Variants in RIC1 observed in about 807,000 individuals in gnomAD.
The protein encoded by RIC1 is guanine nucleotide exchange factor subunit RIC1.
Under a neutral mutation model 169.0 loss-of-function variants are expected in RIC1, and 88 were observed. The observed-to-expected ratio is 0.52, with a 90% CI of 0.44 to 0.62. The LOEUF is 0.62. Ranked by LOEUF, RIC1 falls within the 20% of genes least tolerant of loss-of-function variation. The pLI is 0.00. For synonymous variants in RIC1, 790 were observed against 601.5 expected (o/e 1.31, Z -4.59); for missense variants, 1,877 against 1,725.5 (o/e 1.09, Z -1.56).
At chr9:5,753,109 G>A (rs1039446721) in intron 12 of RIC1, 91 bp from the exon 13 acceptor site, 19 of 1,166,820 alleles carry the variant, frequency 1.6e-5, no homozygotes, top group East Asian at 7.1e-5. Context: ...AACATTGTTC[G>A]GCAAGATGAA....
In RIC1 at chr9:5,680,686, G is replaced by A. The variant is rs570392426; in HGVS notation, c.253-9273G>A. Among the ~76,000 whole-genome samples, 616 of 152,098 alleles carry A rather than the reference G, an allele frequency of 4.1e-3. 1 individual carries two copies. Among genetic ancestry groups the A allele is most frequent in the African/African-American group, 0.014 (585 of 41,512 alleles). On this transcript the variant is annotated intron_variant, in intron 2 of 25. Coordinates refer to ENST00000414202, the MANE Select transcript of RIC1 (RefSeq NM_020829.4). ...GGTAGTTTGTATTTCTGTGGGATTGGTGGTGATATCCCCTTTGTCATTTTT... is the reference window on the plus strand; with the variant it reads ...GGTAGTTTGTATTTCTGTGGGATTGATGGTGATATCCCCTTTGTCATTTTT...
chr9:5,724,414 C>G (rs1823818863), intron 6 of RIC1, among the ~76,000 whole-genome samples: 1 of 152,136 alleles, frequency 6.6e-6, no homozygotes, highest in African/African-American at 2.4e-5. Context: ...CATTTTGTAT[C>G]CTGAGACTTT....
rs74310870 is a variant in RIC1, at chr9:5,738,545, CTTTTTTT to C, written c.901+22_901+28del. 11 of 815,690 alleles carry C rather than the reference CTTTTTTT, an allele frequency of 1.3e-5. No homozygotes were observed. The highest frequency in any genetic ancestry group is 2.1e-5 in the South Asian group (1 of 46,726). 50.5% of individuals were successfully genotyped at this position (815,690 alleles called of 1,614,324 possible). A position where few individuals can be genotyped will look rare whatever the true frequency, so the allele number is the denominator to read the frequency against. On this transcript the variant is annotated splice_region_variant and intron_variant, in intron 8 of 25. Transcript: ENST00000414202. Reference sequence around the variant, plus strand: ...ACAGCAAAACAGTATCCTGGTGAGTCTTTTTTTTTTTTTTTTTTTTTAACATTTTTAA... The same window carrying C: ...ACAGCAAAACAGTATCCTGGTGAGTCTTTTTTTTTTTTTTAACATTTTTAA...
At chr9:5,770,929 A>G (rs755145057) in intron 23 of RIC1, among the ~76,000 whole-genome samples, 7 of 152,212 alleles carry the variant, frequency 4.6e-5, no homozygotes, top group Non-Finnish European at 1.0e-4. Context: ...ATAGGAGCTT[A>G]AACAACAATT....
chr9:5,724,526 C>T (rs1823827876), intron 6 of RIC1, among the ~76,000 whole-genome samples: 1 of 152,218 alleles, frequency 6.6e-6, no homozygotes, highest in Non-Finnish European at 1.5e-5. Context: ...TTGACTTCCT[C>T]TTTTCCTAAT....
At chr9:5,744,328 A>T (rs906498105) in intron 10 of RIC1, among the ~76,000 whole-genome samples, 1 of 152,162 alleles carries the variant, frequency 6.6e-6, no homozygotes, top group African/African-American at 2.4e-5. Context: ...TTACTTGAGG[A>T]TATCTGTATC....
At position 5,639,156 on chromosome 9, in the gene RIC1, C is replaced by T. The variant is rs528914403; in HGVS notation, c.144+9703C>T. Reference sequence around the variant, plus strand: ...TCCTGAGCTCAAGCAATCTGCCCACCTCGGCTCCCAAAGTGCTAGGATTCA... The same window carrying T: ...TCCTGAGCTCAAGCAATCTGCCCACTTCGGCTCCCAAAGTGCTAGGATTCA... On this transcript the variant is annotated intron_variant, in intron 1 of 25. Coordinates refer to ENST00000414202, the MANE Select transcript of RIC1 (RefSeq NM_020829.4). 8.3e-4 allele frequency among the ~76,000 whole-genome samples: 126 copies of T among 152,312 alleles called. 2 individuals are homozygous for T. The highest frequency in any genetic ancestry group is 2.8e-3 in the African/African-American group (118 of 41,570).
intron 1 of RIC1, among the ~76,000 whole-genome samples, chr9:5,644,782 A>G (rs1320666766): frequency 6.6e-6 from 1 of 152,236 alleles, no homozygotes; most frequent in African/African-American, 2.4e-5. Flanking sequence ...AGAGATACCT[A>G]GGAGTGCAAC....
Position 5,770,236 on chromosome 9 carries a change from C to T in RIC1, c.3574C>T (p.Pro1192Ser), listed in dbSNP as rs1370169653. ...GATAGACACAGCTTCATCCCATGGA[C>T]CACAAATGCAAGATGCCTTCTTGTC... is the stretch of plus-strand genomic sequence containing the variant. ...HEIDTASSHGPQMQDAFLSPL... is the reference protein window; with the variant it reads ...HEIDTASSHGSQMQDAFLSPL... The change falls in exon 23 of 26, where the codon CCA becomes TCA. Residue 1192 changes from proline (P) to serine (S), a missense_variant. By Grantham distance (74) the Pro-to-Ser change is moderately conservative. This residue lies in a region of RIC1 where 681 missense variants were observed against 582.0 expected (regional missense o/e 1.17). Transcript: ENST00000414202. 6 of 1,613,744 alleles carry T rather than the reference C, an allele frequency of 3.7e-6. No homozygotes were observed. The highest frequency in any genetic ancestry group is 5.1e-6 in the Non-Finnish European group (6 of 1,179,794).
intron 1 of RIC1, among the ~76,000 whole-genome samples, chr9:5,639,715 A>G (rs1171560706): frequency 1.3e-5 from 2 of 152,170 alleles, no homozygotes; most frequent in Non-Finnish European, 2.9e-5. Flanking sequence ...ATTGAGGTCT[A>G]GCTCTCTCTT....
chr9:5,654,092 C>T (rs1818952773), intron 1 of RIC1, among the ~76,000 whole-genome samples: 1 of 152,178 alleles, frequency 6.6e-6, no homozygotes, highest in South Asian at 2.1e-4. Context: ...CTCTGCCTCC[C>T]AGGCTCGAGC....
chr9:5,686,904 G>A (rs1020483989), intron 2 of RIC1, among the ~76,000 whole-genome samples: 1 of 152,160 alleles, frequency 6.6e-6, no homozygotes, highest in Non-Finnish European at 1.5e-5. Flanking sequence ...TTCTGGAAGA[G>A]TCTGTATTCA....
chr9:5,666,948 T>G (rs545177670), intron 2 of RIC1, among the ~76,000 whole-genome samples: 2 of 152,224 alleles, frequency 1.3e-5, no homozygotes, highest in Non-Finnish European at 2.9e-5. Flanking sequence ...ACTGGTAATG[T>G]TCTTTCTGAT....
At chr9:5,729,535 A>T (rs531617995) in intron 6 of RIC1, among the ~76,000 whole-genome samples, 3 of 152,062 alleles carry the variant, frequency 2.0e-5, no homozygotes, top group African/African-American at 7.2e-5. Flanking sequence ...GCCGCCTCCT[A>T]TTATTTTTGT....
chr9:5,698,125 G>A (rs564739326), intron 3 of RIC1, among the ~76,000 whole-genome samples: 1 of 152,282 alleles, frequency 6.6e-6, no homozygotes, highest in East Asian at 1.9e-4. Context: ...TCTTTAGCTG[G>A]CACTTAAAGC....
intron 1 of RIC1, among the ~76,000 whole-genome samples, chr9:5,634,389 CTTG>C: frequency 6.6e-6 from 1 of 152,262 alleles, no homozygotes; most frequent in South Asian, 2.1e-4. Context: ...CTTTGCCGAC[CTTG>C]TTATGATTTA....
At chr9:5,740,578 A>T (rs1301224790) in intron 8 of RIC1, among the ~76,000 whole-genome samples, 2 of 151,566 alleles carry the variant, frequency 1.3e-5, no homozygotes, top group African/African-American at 4.8e-5. Flanking sequence ...TCCGAGTTCC[A>T]AAACTGAAGA....
chr9:5,765,785 C>G lies in RIC1; in HGVS notation c.3124C>G (p.Pro1042Ala), dbSNP rs758380231. The G allele has an allele frequency of 1.9e-6, 3 of 1,614,054 alleles. No individual in the cohort carries two copies. The highest frequency in any genetic ancestry group is 2.5e-6 in the Non-Finnish European group (3 of 1,179,966). The stretch of plus-strand genomic sequence containing the variant: ...GAAAACACTAAGTATGCCATCTGGT[C>G]CCTCTGGAAAAAGGTAAAATAATAA... ...LQKTLSMPSG[P>A]SGKRWSKDSD... The change falls in exon 21 of 26, where the codon CCC becomes GCC. Residue 1042 changes from proline to alanine, a missense_variant. Pro to Ala is a conservative substitution (Grantham distance 27). Transcript: ENST00000414202.
At chr9:5,734,921 A>G (rs943222238) in intron 7 of RIC1, among the ~76,000 whole-genome samples, 2 of 152,228 alleles carry the variant, frequency 1.3e-5, no homozygotes, top group African/African-American at 4.8e-5. Flanking sequence ...TAATTGGAAT[A>G]TCTTTATCAC....
Sources: allele counts gnomAD v4.1 joint callset (sites outside exome capture counted in the v4.1 genomes callset), GRCh38; gene constraint gnomAD v4.1.1; regional missense constraint gnomAD v4.1.1; transcripts MANE v1.5; gene names NCBI Gene and HGNC (gene_info 2026-07-23, HGNC 2026-07-21).